Variants in STXBP4 observed in about 807,000 individuals in gnomAD.
STXBP4 encodes the protein syntaxin-binding protein 4.
A neutral mutation model predicts 76.1 loss-of-function variants in STXBP4; 55 were observed. That is an observed-to-expected ratio of 0.72 (90% CI 0.58 to 0.91). The LOEUF is 0.91. STXBP4 is among the 40% of genes least tolerant of loss of function. The probability of loss-of-function intolerance (pLI) is 0.00; values close to 1 mark genes in which losing one functional copy is unlikely to be tolerated. For synonymous variants in STXBP4, 201 were observed against 220.2 expected (o/e 0.91, Z 0.77); for missense variants, 618 against 636.9 (o/e 0.97, Z 0.32).
chr17:55,071,774 G>T (rs987612634), intron 12 of STXBP4, among the ~76,000 whole-genome samples: 1 of 152,116 alleles, frequency 6.6e-6, no homozygotes, highest in Non-Finnish European at 1.5e-5. Context: ...CACTTCAAAT[G>T]TATTTAGGCT....
intron 17 of STXBP4, among the ~76,000 whole-genome samples, chr17:55,153,903 T>G (rs2080244742): frequency 6.6e-6 from 1 of 152,190 alleles, no homozygotes; most frequent in Non-Finnish European, 1.5e-5. Context: ...TTTCTGTATT[T>G]TAGAAAGATA....
At chr17:55,052,455 G>A (rs961641949) in intron 12 of STXBP4, among the ~76,000 whole-genome samples, 1 of 152,160 alleles carries the variant, frequency 6.6e-6, no homozygotes, top group African/African-American at 2.4e-5. Flanking sequence ...TTTGCCTATA[G>A]TAGGATGTTG....
the STXBP4 span, among the ~76,000 whole-genome samples, chr17:55,178,703 A>G: frequency 1.3e-5 from 2 of 152,228 alleles, no homozygotes; most frequent in Admixed American, 6.5e-5. Flanking sequence ...CCAAAGAGCT[A>G]GTGGTATAGT....
chr17:55,186,916 T>G, the STXBP4 span, among the ~76,000 whole-genome samples: 1 of 152,136 alleles, frequency 6.6e-6, no homozygotes, highest in South Asian at 2.1e-4. Flanking sequence ...AAAACAAAGA[T>G]CCTCCAAAAT....
the STXBP4 span, among the ~76,000 whole-genome samples, chr17:55,193,586 G>C: frequency 6.6e-6 from 1 of 152,002 alleles, no homozygotes; most frequent in Non-Finnish European, 1.5e-5. Flanking sequence ...GGTGAATTGA[G>C]AAGTTATCTA....
the STXBP4 span, among the ~76,000 whole-genome samples, chr17:55,184,873 ATTGT>A: frequency 1.1e-4 from 17 of 152,022 alleles, no homozygotes; most frequent in South Asian, 4.2e-4. Context: ...TGTATGAAAG[ATTGT>A]TTGTTTGTTT....
chr17:55,182,768 A>G, the STXBP4 span, among the ~76,000 whole-genome samples: 2 of 151,684 alleles, frequency 1.3e-5, no homozygotes, highest in Non-Finnish European at 2.9e-5. Context: ...ACAAAAAACA[A>G]TAGAATTACT....
In STXBP4 at chr17:55,033,013, C is replaced by T. The variant is rs12945383; in HGVS notation, c.764-1155C>T. ...AATCCTCCAACATAAAATATAGAAC[C>T]CAAAACTATCAGACAAACAGAAAAA... On this transcript the variant is annotated intron_variant, in intron 9 of 17. Transcript: ENST00000376352. Among the ~76,000 whole-genome samples, 286 of 151,958 alleles carry T rather than the reference C, an allele frequency of 1.9e-3. 1 individual carries two copies. Among genetic ancestry groups the T allele is most frequent in the Non-Finnish European group, 3.3e-3 (225 of 67,972 alleles).
chr17:54,970,911 A>G (rs2077390380), intron 1 of STXBP4, among the ~76,000 whole-genome samples: 1 of 152,226 alleles, frequency 6.6e-6, no homozygotes, highest in Admixed American at 6.5e-5. Flanking sequence ...GAAAATATGC[A>G]TTGTATCTGA....
At chr17:55,198,633 C>T in the STXBP4 span, among the ~76,000 whole-genome samples, 1 of 152,290 alleles carries the variant, frequency 6.6e-6, no homozygotes, top group South Asian at 2.1e-4. Flanking sequence ...ATTCACTCCT[C>T]ATTAAATATA....
intron 12 of STXBP4, among the ~76,000 whole-genome samples, chr17:55,048,620 C>A (rs1598264182): frequency 1.4e-5 from 2 of 140,050 alleles, no homozygotes; most frequent in Admixed American, 7.1e-5. Context: ...ATATTGATCA[C>A]CCCCAAAAAA....
chr17:55,011,508 CTTTTTT>C (rs3080154), intron 8 of STXBP4, among the ~76,000 whole-genome samples: 1 of 85,926 alleles, frequency 1.2e-5, no homozygotes, highest in Non-Finnish European at 2.0e-5. Context: ...TTTTCTTTTT[CTTTTTT>C]TTTTTTTTTT....
At chr17:55,096,819 G>A (rs897026863) in intron 16 of STXBP4, among the ~76,000 whole-genome samples, 5 of 152,080 alleles carry the variant, frequency 3.3e-5, no homozygotes, top group African/African-American at 1.2e-4. Context: ...CCTCCATAAA[G>A]TGAGCTTAAA....
chr17:54,989,648 T>C (rs2077684613), intron 3 of STXBP4, among the ~76,000 whole-genome samples: 1 of 152,222 alleles, frequency 6.6e-6, no homozygotes, highest in Admixed American at 6.5e-5. Context: ...ATTATTTAGG[T>C]GTTGTTTAGC....
At chr17:55,197,593 A>C in the STXBP4 span, among the ~76,000 whole-genome samples, 7,684 of 152,084 alleles carry the variant, frequency 0.051, 326 homozygotes, top group East Asian at 0.17. Context: ...AATCAAAAAA[A>C]TCAGCCAGGC....
At position 54,999,408 on chromosome 17, in the gene STXBP4, T is replaced by C. The variant is rs750031690; in HGVS notation, c.244T>C (p.Ser82Pro). 1 of 1,613,284 alleles carries C rather than the reference T, an allele frequency of 6.2e-7. No homozygotes were observed. The highest frequency in any genetic ancestry group is 2.2e-5 in the East Asian group (1 of 44,776). ...SVNKESMIGV[S>P]FEEAKSIITG... Reference sequence around the variant, plus strand: ...CAACAAGGAATCTATGATTGGTGTATCATTTGAAGAAGCAAAAAGCATAAT... The same window carrying C: ...CAACAAGGAATCTATGATTGGTGTACCATTTGAAGAAGCAAAAAGCATAAT... Residue 82 changes from serine (S) to proline (P), a missense_variant, in exon 5 of 18, where the codon TCA (serine) becomes CCA (proline). Physicochemically the swap from Ser to Pro is moderately conservative, Grantham distance 74. Coordinates refer to ENST00000376352, the MANE Select transcript of STXBP4 (RefSeq NM_178509.6).
At chr17:55,080,764 A>G (rs1456561825) in intron 15 of STXBP4, among the ~76,000 whole-genome samples, 2 of 152,164 alleles carry the variant, frequency 1.3e-5, no homozygotes, top group Admixed American at 1.3e-4. Context: ...AAGCACTCAC[A>G]AAATAAGCCC....
chr17:55,168,020 A>G lies in STXBP4; in HGVS notation c.*8109A>G, dbSNP rs1276307111. 3 of 152,186 alleles carry G rather than the reference A, an allele frequency of 2.0e-5. No individual in the cohort carries two copies. Among genetic ancestry groups the G allele is most frequent in the African/African-American group, 7.2e-5 (3 of 41,456 alleles). The allele number at this position is 152,186 out of a possible 1,614,324, so 9.4% of individuals were successfully genotyped here. A position where few individuals can be genotyped will look rare whatever the true frequency, so the allele number is the denominator to read the frequency against. On this transcript the variant is annotated 3_prime_UTR_variant, in exon 18 of 18. Transcript: ENST00000376352. ...CTTTAGGCAGTTTTATCATTCAGAG[A>G]AGTAATCTATGCATTTAATCTAATG...
intron 15 of STXBP4, among the ~76,000 whole-genome samples, chr17:55,080,305 AT>A (rs2079239996): frequency 6.6e-6 from 1 of 152,166 alleles, no homozygotes; most frequent in South Asian, 2.1e-4. Flanking sequence ...CTACATGGAT[AT>A]TGGCCCTGGT....
Sources: allele counts gnomAD v4.1 joint callset (sites outside exome capture counted in the v4.1 genomes callset), GRCh38; gene constraint gnomAD v4.1.1; transcripts MANE v1.5; gene names NCBI Gene and HGNC (gene_info 2026-07-23, HGNC 2026-07-21).